The following DPP6 variants were observed in gnomAD, a reference collection of about 807,000 sequenced individuals.
DPP6 encodes A-type potassium channel modulatory protein DPP6.
DPP6 carries 69 observed loss-of-function variants against 122.6 expected under a neutral mutation model. That is an observed-to-expected ratio of 0.56 (90% CI 0.46 to 0.69). The LOEUF is 0.69. Among genes scored for constraint, DPP6 ranks in the 30% least tolerant of loss-of-function variants. The probability of loss-of-function intolerance (pLI) is 0.00; values close to 1 mark genes in which losing one functional copy is unlikely to be tolerated. For missense variants in DPP6, 928 were observed against 1,116.9 expected, an observed-to-expected ratio of 0.83 and a Z score of 2.41; for synonymous variants, 418 against 433.1, an observed-to-expected ratio of 0.97 and a Z score of 0.43.
At chr7:154,314,116 G>T (rs1000446378) in intron 1 of DPP6, among the ~76,000 whole-genome samples, 4 of 152,278 alleles carry the variant, frequency 2.6e-5, no homozygotes, top group African/African-American at 9.6e-5. Flanking sequence ...ACTTACGGGG[G>T]AGTTGGGAGA....
chr7:153,824,404 A>AAAAG, the DPP6 span, among the ~76,000 whole-genome samples: 1 of 147,038 alleles, frequency 6.8e-6, no homozygotes, highest in Non-Finnish European at 1.5e-5. Context: ...AAAAAAAAAA[A>AAAAG]AGCCAGGCGT....
chr7:154,554,303 A>C (rs1255230831), intron 4 of DPP6, among the ~76,000 whole-genome samples: 2 of 152,090 alleles, frequency 1.3e-5, no homozygotes, highest in Non-Finnish European at 2.9e-5. Context: ...TCCTGTAACA[A>C]TCTTTTCAGT....
the DPP6 span, among the ~76,000 whole-genome samples, chr7:153,853,285 T>A: frequency 6.6e-6 from 1 of 152,222 alleles, no homozygotes. Context: ...TTCAACCTGA[T>A]CTCGTTCACT....
At chr7:154,805,612 C>T (rs1011112367) in intron 15 of DPP6, among the ~76,000 whole-genome samples, 2 of 152,218 alleles carry the variant, frequency 1.3e-5, no homozygotes, top group African/African-American at 4.8e-5. Context: ...CCCAACTGTG[C>T]GACTTTGGAC....
At chr7:154,149,989 CGTG>C (rs1254876110) in intron 1 of DPP6, among the ~76,000 whole-genome samples, 2 of 144,106 alleles carry the variant, frequency 1.4e-5, no homozygotes, top group Non-Finnish European at 2.9e-5. Context: ...TGATTTGATT[CGTG>C]GTGTTGTAAT....
chr7:153,812,683 T>C, the DPP6 span, among the ~76,000 whole-genome samples: 1 of 152,220 alleles, frequency 6.6e-6, no homozygotes, highest in Admixed American at 6.5e-5. Context: ...AGAAAGTGGC[T>C]GAGGTCAAGG....
At chr7:153,898,548 C>T (rs1000025233) in intron 1 of DPP6, among the ~76,000 whole-genome samples, 2 of 152,166 alleles carry the variant, frequency 1.3e-5, no homozygotes, top group Non-Finnish European at 2.9e-5. Flanking sequence ...AGTAAACATA[C>T]ATCAAAATAT....
intron 1 of DPP6, among the ~76,000 whole-genome samples, chr7:154,134,624 T>C (rs1795450282): frequency 6.6e-6 from 1 of 152,162 alleles, no homozygotes; most frequent in Non-Finnish European, 1.5e-5. Flanking sequence ...CCTTGCACAA[T>C]CTGGCCCTGC....
intron 1 of DPP6, among the ~76,000 whole-genome samples, chr7:154,147,031 G>A (rs1206078616): frequency 6.6e-6 from 1 of 152,168 alleles, no homozygotes; most frequent in Non-Finnish European, 1.5e-5. Flanking sequence ...CTCCTGCACA[G>A]ATTGTGCGAT....
At chr7:154,274,605 T>G (rs1223826312) in intron 1 of DPP6, among the ~76,000 whole-genome samples, 5 of 152,220 alleles carry the variant, frequency 3.3e-5, no homozygotes, top group African/African-American at 1.2e-4. Context: ...TTAGAAGATT[T>G]GATTCTTCTG....
chr7:153,922,637 C>A (rs976439315), intron 1 of DPP6, among the ~76,000 whole-genome samples: 1 of 152,056 alleles, frequency 6.6e-6, no homozygotes, highest in Non-Finnish European at 1.5e-5. Context: ...AATGGTATAC[C>A]ATATTTTAAT....
At chr7:154,517,427 T>G (rs912320052) in intron 3 of DPP6, among the ~76,000 whole-genome samples, 2 of 152,074 alleles carry the variant, frequency 1.3e-5, no homozygotes, top group Admixed American at 6.6e-5. Context: ...GACAAAAATC[T>G]TGAATGAATG....
the DPP6 span, among the ~76,000 whole-genome samples, chr7:153,787,140 T>A: frequency 1.6e-5 from 2 of 128,558 alleles, no homozygotes; most frequent in African/African-American, 2.8e-5. Context: ...TTAGTAGAGA[T>A]GGGGTTTCAC....
chr7:154,170,524 C>A (rs1190659614), intron 1 of DPP6, among the ~76,000 whole-genome samples: 1 of 152,194 alleles, frequency 6.6e-6, no homozygotes, highest in Non-Finnish European at 1.5e-5. Context: ...CTGCTCATTA[C>A]AGGGGCAGAC....
chr7:154,633,305 C>T (rs1835521223), intron 5 of DPP6, among the ~76,000 whole-genome samples: 4 of 152,130 alleles, frequency 2.6e-5, no homozygotes, highest in Admixed American at 1.3e-4. Context: ...GGCATGACCT[C>T]AGTTCACTGC....
At chr7:154,456,682 C>G (rs548255854) in intron 2 of DPP6, among the ~76,000 whole-genome samples, 1 of 152,242 alleles carries the variant, frequency 6.6e-6, no homozygotes, top group African/African-American at 2.4e-5. Context: ...GAGGATTACC[C>G]TTAGTTATCC....
At chr7:153,960,718 C>T (rs200681614) in intron 1 of DPP6, among the ~76,000 whole-genome samples, 13 of 147,356 alleles carry the variant, frequency 8.8e-5, no homozygotes, top group East Asian at 4.1e-4. Flanking sequence ...TGTGTGCATG[C>T]GTGTGTGTGT....
intron 18 of DPP6, among the ~76,000 whole-genome samples, chr7:154,870,347 G>A (rs1412741910): frequency 6.6e-6 from 1 of 152,094 alleles, no homozygotes; most frequent in African/African-American, 2.4e-5. Flanking sequence ...GCTTATGCCT[G>A]GATTCCCATT....
At position 154,568,403 on chromosome 7, in the gene DPP6, C is replaced by T. The variant is rs979382223; in HGVS notation, c.627+1487C>T. On this transcript the variant is annotated intron_variant, in intron 5 of 25. Transcript: ENST00000377770. ...GTTATCCTCCTAGAGAATCTTTAAT[C>T]ATCGGAGCACCCCGACAGTGGGATG... Among the ~76,000 whole-genome samples the T allele has an allele frequency of 5.9e-5, 9 of 152,232 alleles. No individual in the cohort carries two copies. The East Asian group carries it at 1.7e-3, about 29-fold the overall frequency.
Sources: allele counts gnomAD v4.1 joint callset (sites outside exome capture counted in the v4.1 genomes callset), GRCh38; gene constraint gnomAD v4.1.1; transcripts MANE v1.5; gene names NCBI Gene and HGNC (gene_info 2026-07-23, HGNC 2026-07-21).